The following PEAK1 variants were observed in gnomAD, a reference collection of about 807,000 sequenced individuals.
The protein encoded by PEAK1 is inactive tyrosine-protein kinase PEAK1.
PEAK1 carries 54 observed loss-of-function variants against 124.7 expected under a neutral mutation model. The observed-to-expected ratio is 0.43, with a 90% CI of 0.35 to 0.54. The LOEUF is 0.54. Among genes scored for constraint, PEAK1 ranks in the 20% least tolerant of loss-of-function variants. The pLI, the probability that PEAK1 is intolerant of heterozygous loss-of-function variation, is 0.01. For missense variants in PEAK1, 2,046 were observed against 2,134.5 expected (o/e 0.96, Z 0.82); for synonymous variants, 719 against 760.0 (o/e 0.95, Z 0.89).
intron 2 of PEAK1, among the ~76,000 whole-genome samples, chr15:77,295,180 C>T (rs892146056): frequency 6.6e-6 from 1 of 152,116 alleles, no homozygotes; most frequent in Non-Finnish European, 1.5e-5. Context: ...TATATATGCA[C>T]AGGCCACAGT....
chr15:77,358,905 T>C lies in PEAK1; in HGVS notation c.-603+6258A>G, dbSNP rs370526104. Among the ~76,000 whole-genome samples the C allele has an allele frequency of 2.6e-5, 4 of 152,348 alleles. No individual in the cohort carries two copies. The East Asian group carries it at 5.8e-4, about 22-fold the overall frequency. On this transcript the variant is annotated intron_variant, in intron 2 of 9. Transcript: ENST00000682557. ...TATCTGAGGATAAAATAACAGTCTTTACCTCACAGGACTACTGTGAAGATT... is the reference window on the plus strand; with the variant it reads ...TATCTGAGGATAAAATAACAGTCTTCACCTCACAGGACTACTGTGAAGATT...
rs557620163 is a variant in PEAK1 at position 77,237,584 on chromosome 15, A to G, written c.-115+14783T>C. The stretch of plus-strand genomic sequence containing the variant: ...GTATACTGAATGTTTATCTCTACAT[A>G]TCAATTACATTAAGCTCATTAACTG... On this transcript the variant is annotated intron_variant, in intron 6 of 9. Transcript: ENST00000682557. 2.4e-4 allele frequency among the ~76,000 whole-genome samples: 37 copies of G among 152,190 alleles called. No individual in the cohort carries two copies. The South Asian group carries it at 2.9e-3, about 12-fold the overall frequency.
chr15:77,111,592 C>A lies in PEAK1; in HGVS notation c.*2564G>T, dbSNP rs975699062. 6.6e-6 allele frequency: 1 copy of A among 152,118 alleles called. No individual in the cohort carries two copies. The highest frequency in any genetic ancestry group is 1.9e-4 in the East Asian group (1 of 5,198). The allele number at this position is 152,118 out of a possible 1,614,324, so 9.4% of individuals were successfully genotyped here. A position where few individuals can be genotyped will look rare whatever the true frequency, so the allele number is the denominator to read the frequency against. On this transcript the variant is annotated 3_prime_UTR_variant, in exon 10 of 10. Transcript: ENST00000682557. ...CCCTTAACAAATCTGAATATAAAAA[C>A]AGTACTAAAAACATCTGATATGAAG...
At chr15:77,202,184 C>T (rs573281340) in intron 6 of PEAK1, among the ~76,000 whole-genome samples, 1 of 152,234 alleles carries the variant, frequency 6.6e-6, no homozygotes, top group African/African-American at 2.4e-5. Flanking sequence ...ATCATGTTTT[C>T]TGCCTGGATT....
intron 2 of PEAK1, among the ~76,000 whole-genome samples, chr15:77,305,525 G>A (rs1341440201): frequency 6.6e-6 from 1 of 152,166 alleles, no homozygotes; most frequent in Admixed American, 6.5e-5. Flanking sequence ...TATGTAATGA[G>A]GAGCCACTAA....
intron 1 of PEAK1, chr15:77,402,135 G>A: frequency 1.1e-6 from 1 of 931,372 alleles, no homozygotes; most frequent in Non-Finnish European, 1.3e-6. Context: ...GGAGGCAGAG[G>A]TTGTAGTGAG....
chr15:77,397,365 T>C (rs978555094), intron 1 of PEAK1, among the ~76,000 whole-genome samples: 7 of 149,636 alleles, frequency 4.7e-5, no homozygotes, highest in Non-Finnish European at 1.0e-4. Context: ...AACAGAAAAA[T>C]TTCAAATCAG....
At chr15:77,368,804 C>T (rs1281660056) in intron 1 of PEAK1, among the ~76,000 whole-genome samples, 1 of 152,138 alleles carries the variant, frequency 6.6e-6, no homozygotes, top group African/African-American at 2.4e-5. Flanking sequence ...GGGATTACGA[C>T]TATATGCAGG....
At chr15:77,163,345 T>G (rs2055825536) in intron 7 of PEAK1, among the ~76,000 whole-genome samples, 1 of 152,216 alleles carries the variant, frequency 6.6e-6, no homozygotes, top group African/African-American at 2.4e-5. Context: ...TCAAAGGAAA[T>G]AGTTACATTG....
At chr15:77,250,181 G>A (rs1225182638) in intron 6 of PEAK1, among the ~76,000 whole-genome samples, 1 of 105,518 alleles carries the variant, frequency 9.5e-6, no homozygotes, top group Non-Finnish European at 2.2e-5. Flanking sequence ...ATATGTATAT[G>A]TATATATATA....
At chr15:77,279,352 C>A (rs1463260603) in intron 5 of PEAK1, among the ~76,000 whole-genome samples, 2 of 152,050 alleles carry the variant, frequency 1.3e-5, no homozygotes, top group Admixed American at 6.6e-5. Context: ...GATGGAAAAA[C>A]AAATTTGTTT....
intron 7 of PEAK1, among the ~76,000 whole-genome samples, chr15:77,164,036 C>A (rs539820266): frequency 3.9e-5 from 6 of 152,186 alleles, no homozygotes; most frequent in Non-Finnish European, 8.8e-5. Flanking sequence ...AAATCTCACA[C>A]CTTTGTAATC....
At chr15:77,226,704 T>G (rs999242150) in intron 6 of PEAK1, among the ~76,000 whole-genome samples, 11 of 152,222 alleles carry the variant, frequency 7.2e-5, no homozygotes, top group Admixed American at 2.0e-4. Context: ...AACACCTCAC[T>G]CTTCATAAGT....
chr15:77,176,615 A>G (rs989119698), intron 7 of PEAK1, among the ~76,000 whole-genome samples: 1 of 152,234 alleles, frequency 6.6e-6, no homozygotes, highest in Non-Finnish European at 1.5e-5. Context: ...ATTTGGATTC[A>G]TGGATGTTAA....
At chr15:77,284,771 T>C (rs1379811613) in intron 4 of PEAK1, among the ~76,000 whole-genome samples, 187 bp downstream of exon 4, 1 of 152,208 alleles carries the variant, frequency 6.6e-6, no homozygotes, top group East Asian at 1.9e-4. Context: ...TTAAGTCAGC[T>C]GGGTGTGGTG....
intron 2 of PEAK1, among the ~76,000 whole-genome samples, chr15:77,311,703 A>G (rs111886420): frequency 0.01 from 1,543 of 150,760 alleles, 31 homozygotes; most frequent in African/African-American, 0.034. Context: ...AAAAAAAAAA[A>G]AAAGAAAAAG....
chr15:77,140,416 G>A (rs2152752091), intron 8 of PEAK1, among the ~76,000 whole-genome samples: 1 of 152,304 alleles, frequency 6.6e-6, no homozygotes, highest in East Asian at 1.9e-4. Flanking sequence ...TTTATTCCAG[G>A]AATGCAAGGT....
At chr15:77,301,167 C>T (rs2063765565) in intron 2 of PEAK1, among the ~76,000 whole-genome samples, 1 of 152,186 alleles carries the variant, frequency 6.6e-6, no homozygotes, top group African/African-American at 2.4e-5. Flanking sequence ...GGGCTGCACT[C>T]TCTTAGAAGT....
chr15:77,170,884 A>T (rs544477061), intron 7 of PEAK1, among the ~76,000 whole-genome samples: 2 of 152,208 alleles, frequency 1.3e-5, no homozygotes, highest in South Asian at 4.1e-4. Flanking sequence ...GACACCAAAG[A>T]GTTGCAGAAA....
Sources: allele counts gnomAD v4.1 joint callset (sites outside exome capture counted in the v4.1 genomes callset), GRCh38; gene constraint gnomAD v4.1.1; transcripts MANE v1.5; gene names NCBI Gene and HGNC (gene_info 2026-07-23, HGNC 2026-07-21).